Variants in CHD2 observed in about 807,000 individuals in gnomAD.
CHD2 encodes the protein ATP-dependent chromatin remodeler CHD2.
A neutral mutation model predicts 243.9 loss-of-function variants in CHD2; 28 were observed. The ratio of observed to expected loss-of-function variants is 0.11; its 90% confidence interval spans 0.09 to 0.16. CHD2 has a LOEUF of 0.16. Among genes scored for constraint, CHD2 ranks in the 10% least tolerant of loss-of-function variants. CHD2 has a pLI of 1.00. For synonymous variants in CHD2, 775 were observed against 779.0 expected, an observed-to-expected ratio of 0.99 and a Z score of 0.09; for missense variants, 1,386 against 2,209.8, an observed-to-expected ratio of 0.63 and a Z score of 7.47.
At chr15:92,994,094 T>C (rs562532546) in intron 28 of CHD2, among the ~76,000 whole-genome samples, 1 of 152,234 alleles carries the variant, frequency 6.6e-6, no homozygotes, top group African/African-American at 2.4e-5. Flanking sequence ...TAGGTAAGGC[T>C]ACCCTTCTGC....
intron 7 of CHD2, among the ~76,000 whole-genome samples, chr15:92,941,003 A>G (rs1279974664): frequency 9.8e-6 from 1 of 101,778 alleles, no homozygotes; most frequent in Non-Finnish European, 1.9e-5. Context: ...AAATATATAT[A>G]TATAATTTTT....
intron 16 of CHD2, among the ~76,000 whole-genome samples, chr15:92,961,876 C>CTTTTTTTTTTTTTTTTTTTTTTTTTTT (rs3064790): frequency 1.3e-5 from 1 of 78,626 alleles, no homozygotes; most frequent in Non-Finnish European, 2.4e-5. Context: ...TTTTTCTTCT[C>CTTTTTTTTTTTTTTTTTTTTTTTTTTT]TTTTTTTTTT....
chr15:92,922,796 G>A (rs545369462), intron 2 of CHD2, among the ~76,000 whole-genome samples: 24 of 152,246 alleles, frequency 1.6e-4, no homozygotes, highest in African/African-American at 5.3e-4. Flanking sequence ...TTGCTTCAGA[G>A]TATCTTCCCC....
At chr15:92,902,351 G>T in intron 2 of CHD2, 1 of 392,136 alleles carries the variant, frequency 2.6e-6, no homozygotes, top group Non-Finnish European at 4.5e-6. Context: ...TGCATTTTTT[G>T]ATGTGTTCTT....
At chr15:92,951,519 C>T (rs1214022876) in intron 13 of CHD2, among the ~76,000 whole-genome samples, 1 of 152,138 alleles carries the variant, frequency 6.6e-6, no homozygotes, top group Non-Finnish European at 1.5e-5. Flanking sequence ...TTGAAAAGGG[C>T]TCAAGCACCT....
At chr15:93,019,606 C>G (rs2054506274) in intron 37 of CHD2, among the ~76,000 whole-genome samples, 1 of 152,040 alleles carries the variant, frequency 6.6e-6, no homozygotes, top group Non-Finnish European at 1.5e-5. Flanking sequence ...AGAATTGGAA[C>G]AATACAGAGA....
chr15:92,986,342 A>G (rs910393018), intron 26 of CHD2, among the ~76,000 whole-genome samples: 2 of 151,786 alleles, frequency 1.3e-5, no homozygotes, highest in African/African-American at 4.8e-5. Context: ...AAGTATAAAG[A>G]TGGTTTTAAG....
At chr15:92,908,830 A>G (rs933041322) in intron 2 of CHD2, among the ~76,000 whole-genome samples, 1 of 152,212 alleles carries the variant, frequency 6.6e-6, no homozygotes, top group Non-Finnish European at 1.5e-5. Flanking sequence ...TTTAAAATGT[A>G]TACACAGGCT....
In CHD2 at chr15:92,993,061, C is replaced by T; in HGVS notation, c.3595+63C>T. ...GCACTCTTGGACTGGATTTCTGTTG[C>T]TAAAGGGCGTTTTAAGGACAGGCTT... On this transcript the variant is annotated intron_variant, in intron 28 of 38. Coordinates refer to ENST00000394196, the MANE Select transcript of CHD2 (RefSeq NM_001271.4). The T allele has an allele frequency of 8.8e-6, 14 of 1,584,616 alleles. 1 individual carries two copies. In the South Asian group the frequency reaches 1.6e-4, roughly 18 times the overall value.
chr15:92,996,702 A>G (rs1212222886), intron 28 of CHD2, among the ~76,000 whole-genome samples: 1 of 152,202 alleles, frequency 6.6e-6, no homozygotes, highest in Non-Finnish European at 1.5e-5. Context: ...GTATAAAACA[A>G]GCAGGAAGAT....
intron 2 of CHD2, among the ~76,000 whole-genome samples, chr15:92,908,938 G>A (rs1223593833): frequency 6.6e-6 from 1 of 152,082 alleles, no homozygotes; most frequent in Non-Finnish European, 1.5e-5. Flanking sequence ...GGCCAACATG[G>A]TGAAACCCTG....
chr15:92,936,784 T>G (rs1351281880), intron 5 of CHD2, among the ~76,000 whole-genome samples: 6 of 152,124 alleles, frequency 3.9e-5, no homozygotes. Context: ...TCATATTTTT[T>G]AGGCCTCAAC....
At chr15:93,017,492 ATTTTTTTTTTTT>A (rs760713016) in intron 37 of CHD2, among the ~76,000 whole-genome samples, 32 of 96,826 alleles carry the variant, frequency 3.3e-4, no homozygotes, top group Admixed American at 2.6e-3. Context: ...TGCCGGGCTA[ATTTTTTTTTTTT>A]TTTTTTTTTT....
At chr15:92,953,629 T>C in intron 14 of CHD2, 56 bp downstream of exon 14, 2 of 1,532,244 alleles carry the variant, frequency 1.3e-6, no homozygotes, top group Non-Finnish European at 1.8e-6. Flanking sequence ...AATTTAGAAA[T>C]TCACTTAAAG....
chr15:92,991,526 A>G lies in CHD2; in HGVS notation c.3455+9A>G, dbSNP rs199958087. ...GGTCTCCCTCTTGAACGGTAAGTTC[A>G]GTGTAATAGTCCCTTATCTTCCTCT... On this transcript the variant is annotated intron_variant, in intron 27 of 38. Transcript: ENST00000394196. 1.3e-6 allele frequency: 2 copies of G among 1,597,832 alleles called. No individual in the cohort carries two copies. Among genetic ancestry groups the G allele is most frequent in the East Asian group, 2.2e-5 (1 of 44,498 alleles).
intron 6 of CHD2, among the ~76,000 whole-genome samples, chr15:92,938,863 T>A (rs997222695): frequency 2.6e-5 from 4 of 152,206 alleles, no homozygotes; most frequent in African/African-American, 9.6e-5. Context: ...CCAAGTTAAT[T>A]CTGTGATAGG....
intron 11 of CHD2, 68 bp from the exon 12 acceptor site, chr15:92,945,970 A>G (rs1227189896): frequency 6.7e-7 from 1 of 1,499,028 alleles, no homozygotes; most frequent in African/African-American, 1.4e-5. Flanking sequence ...ATTATGCATA[A>G]AACAGAATGT....
At chr15:93,011,932 A>C (rs2054398904) in intron 35 of CHD2, among the ~76,000 whole-genome samples, 1 of 152,152 alleles carries the variant, frequency 6.6e-6, no homozygotes, top group Non-Finnish European at 1.5e-5. Flanking sequence ...GGAAAACTTA[A>C]AAGGACTGGA....
intron 14 of CHD2, among the ~76,000 whole-genome samples, chr15:92,954,786 A>G (rs965285796): frequency 3.3e-5 from 5 of 152,186 alleles, no homozygotes; most frequent in Non-Finnish European, 7.3e-5. Flanking sequence ...ACCTGCAGGC[A>G]CTTACTGTCT....
Sources: allele counts gnomAD v4.1 joint callset (sites outside exome capture counted in the v4.1 genomes callset), GRCh38; gene constraint gnomAD v4.1.1; transcripts MANE v1.5; gene names NCBI Gene and HGNC (gene_info 2026-07-23, HGNC 2026-07-21).